LRRC7: variants seen among roughly 807,000 people sequenced by gnomAD.
LRRC7 encodes the protein leucine rich repeat containing 7.
LRRC7 carries 23 observed loss-of-function variants against 175.7 expected under a neutral mutation model. That is an observed-to-expected ratio of 0.13 (90% CI 0.09 to 0.19). LRRC7 has a LOEUF of 0.19. Ranked by LOEUF, LRRC7 falls within the 10% of genes least tolerant of loss-of-function variation. LRRC7 has a pLI of 1.00. For synonymous variants in LRRC7, 685 were observed against 680.9 expected (o/e 1.01, Z -0.09); for missense variants, 1,354 against 1,904.7 (o/e 0.71, Z 5.38).
At chr1:70,030,612 T>A (rs1261096996) in intron 18 of LRRC7, among the ~76,000 whole-genome samples, 1 of 152,218 alleles carries the variant, frequency 6.6e-6, no homozygotes, top group Non-Finnish European at 1.5e-5. Context: ...TTCTATGCCA[T>A]TTTTTGAATC....
At chr1:69,598,467 G>T (rs1036122215) in intron 1 of LRRC7, among the ~76,000 whole-genome samples, 3 of 152,134 alleles carry the variant, frequency 2.0e-5, no homozygotes, top group African/African-American at 2.4e-5. Context: ...AGGGTAGGTT[G>T]TGGAGACTCA....
chr1:69,677,162 A>T (rs1008089439), intron 1 of LRRC7, among the ~76,000 whole-genome samples: 1 of 145,118 alleles, frequency 6.9e-6, no homozygotes, highest in Admixed American at 6.9e-5. Flanking sequence ...GTGTGTGTAG[A>T]TATATATGAG....
chr1:69,862,945 T>A (rs1441680208), intron 7 of LRRC7, among the ~76,000 whole-genome samples: 1 of 152,130 alleles, frequency 6.6e-6, no homozygotes, highest in East Asian at 1.9e-4. Context: ...AGAGGTGAGT[T>A]ATCATCCATG....
intron 7 of LRRC7, among the ~76,000 whole-genome samples, chr1:69,893,029 G>A (rs1210837305): frequency 1.3e-5 from 2 of 152,100 alleles, no homozygotes; most frequent in Non-Finnish European, 2.9e-5. Context: ...CATGTTACAA[G>A]AATTGCTTAT....
chr1:69,581,404 G>T (rs1477004241), intron 1 of LRRC7, among the ~76,000 whole-genome samples: 1 of 152,186 alleles, frequency 6.6e-6, no homozygotes, highest in Non-Finnish European at 1.5e-5. Flanking sequence ...GAAGGTATTG[G>T]ATTCACTGCT....
At chr1:69,972,691 A>G (rs1652366905) in intron 8 of LRRC7, among the ~76,000 whole-genome samples, 1 of 152,086 alleles carries the variant, frequency 6.6e-6, no homozygotes, top group Non-Finnish European at 1.5e-5. Context: ...CAGTACAACC[A>G]CTATGGAAAA....
intron 9 of LRRC7, among the ~76,000 whole-genome samples, chr1:69,982,691 A>T (rs1653555430): frequency 6.6e-6 from 1 of 152,222 alleles, no homozygotes; most frequent in South Asian, 2.1e-4. Flanking sequence ...TTAATCAACC[A>T]AAATATGACT....
intron 3 of LRRC7, among the ~76,000 whole-genome samples, chr1:69,765,694 AG>A (rs1671549289): frequency 6.6e-6 from 1 of 152,114 alleles, no homozygotes; most frequent in Non-Finnish European, 1.5e-5. Flanking sequence ...TCACTGAACA[AG>A]AAACTATGCA....
intron 2 of LRRC7, among the ~76,000 whole-genome samples, chr1:69,704,193 T>G (rs1006231083): frequency 1.3e-5 from 2 of 152,062 alleles, no homozygotes; most frequent in Non-Finnish European, 2.9e-5. Flanking sequence ...TATAAAAGAC[T>G]TTTTTCACTT....
intron 25 of LRRC7, among the ~76,000 whole-genome samples, chr1:70,096,359 T>G (rs1412810642): frequency 1.3e-5 from 2 of 152,210 alleles, no homozygotes; most frequent in African/African-American, 4.8e-5. Flanking sequence ...CTAAGTACAG[T>G]GGAAAAGAGA....
chr1:70,007,018 C>G (rs1482358085), intron 11 of LRRC7, among the ~76,000 whole-genome samples: 2 of 152,124 alleles, frequency 1.3e-5, no homozygotes, highest in African/African-American at 4.8e-5. Flanking sequence ...CAAGCCTTGA[C>G]CTTTTGGGTT....
In LRRC7 at chr1:69,781,940, GAGAAA is replaced by G. The variant is rs1342311756; in HGVS notation, c.304-10092_304-10088del. ...AGAAAGAAAGAAAGAAAGAAAGAAA[GAGAAA>G]AGAAAAGAAAGAAAGAAAGAAAAAG... is the stretch of plus-strand genomic sequence containing the variant. On this transcript the variant is annotated intron_variant, in intron 3 of 26. Coordinates refer to ENST00000651989, the MANE Select transcript of LRRC7 (RefSeq NM_001370785.2). Among the ~76,000 whole-genome samples, 3 of 106,550 alleles carry G rather than the reference GAGAAA, an allele frequency of 2.8e-5. No homozygotes were observed. In the East Asian group the frequency reaches 9.9e-4, roughly 35 times the overall value. The allele number at this position is 106,550 out of a possible 152,430, so 69.9% of individuals were successfully genotyped here.
intron 4 of LRRC7, among the ~76,000 whole-genome samples, chr1:69,807,735 T>A (rs1677304399): frequency 6.6e-6 from 1 of 152,094 alleles, no homozygotes; most frequent in African/African-American, 2.4e-5. Flanking sequence ...TAACATGTTT[T>A]CCTTCATTTC....
intron 8 of LRRC7, among the ~76,000 whole-genome samples, chr1:69,956,095 A>G (rs571143428): frequency 4.1e-4 from 63 of 152,116 alleles, no homozygotes; most frequent in African/African-American, 1.3e-3. Flanking sequence ...GGAAACAATG[A>G]CATTAAAATA....
intron 1 of LRRC7, among the ~76,000 whole-genome samples, chr1:69,628,174 T>C (rs1405821282): frequency 6.6e-6 from 1 of 152,088 alleles, no homozygotes; most frequent in Non-Finnish European, 1.5e-5. Context: ...GGTATATGTA[T>C]TGGAAAGAAA....
intron 7 of LRRC7, chr1:69,873,600 C>A: frequency 2.1e-6 from 1 of 478,336 alleles, no homozygotes; most frequent in Non-Finnish European, 4.4e-6. Flanking sequence ...CACGAATAGA[C>A]TTTGTAGAGG....
At chr1:69,976,883 T>A (rs747449975) in intron 8 of LRRC7, among the ~76,000 whole-genome samples, 57 of 152,154 alleles carry the variant, frequency 3.7e-4, no homozygotes, top group Non-Finnish European at 7.6e-4. Flanking sequence ...CTAAGTTGTA[T>A]CTCCAGCTAA....
intron 6 of LRRC7, among the ~76,000 whole-genome samples, chr1:69,837,045 A>G (rs187909095): frequency 6.6e-6 from 1 of 152,070 alleles, no homozygotes; most frequent in Non-Finnish European, 1.5e-5. Flanking sequence ...GTACATTTTA[A>G]TGTTCTATAT....
rs983237808 is a variant in LRRC7 at position 70,138,605 on chromosome 1, A to G, written c.*16718A>G. 7.2e-5 allele frequency: 11 copies of G among 152,244 alleles called. No homozygotes were observed. The highest frequency in any genetic ancestry group is 1.5e-4 in the Non-Finnish European group (10 of 68,030). 9.4% of individuals were successfully genotyped at this position (152,244 alleles called of 1,614,324 possible). A position where few individuals can be genotyped will look rare whatever the true frequency, so the allele number is the denominator to read the frequency against. ...ACCTCATAGAAAGTTGAGAGGATTA[A>G]TCAAATTGTTTCAAAATTTTTAAGG... On this transcript the variant is annotated 3_prime_UTR_variant, in exon 27 of 27. Coordinates refer to ENST00000651989, the MANE Select transcript of LRRC7 (RefSeq NM_001370785.2).
Sources: gnomAD v4.1 joint callset for allele counts (sites outside exome capture counted in the v4.1 genomes callset) on GRCh38, gnomAD v4.1.1 for gene constraint, MANE v1.5 for transcripts, NCBI Gene and HGNC (gene_info 2026-07-23, HGNC 2026-07-21) for gene names.